Variants in ABL1 observed in about 807,000 individuals in gnomAD.
ABL1 encodes tyrosine-protein kinase ABL1.
A neutral mutation model predicts 94.7 loss-of-function variants in ABL1; 11 were observed. That is an observed-to-expected ratio of 0.12 (90% confidence interval 0.07 to 0.19). ABL1 has a LOEUF of 0.19. Ranked by LOEUF, ABL1 falls within the 10% of genes least tolerant of loss-of-function variation. ABL1 has a pLI of 1.00. For synonymous variants in ABL1, 656 were observed against 622.4 expected (o/e 1.05, Z -0.80); for missense variants, 1,082 against 1,489.4 (o/e 0.73, Z 4.50).
chr9:130,862,627 C>T lies in ABL1; in HGVS notation c.550-136C>T. 1.1e-6 allele frequency: 1 copy of T among 930,852 alleles called. No homozygotes were observed. Among genetic ancestry groups the T allele is most frequent in the Non-Finnish European group, 1.5e-6 (1 of 645,284 alleles). The allele number at this position is 930,852 out of a possible 1,614,324, so 57.7% of individuals were successfully genotyped here. On this transcript the variant is annotated intron_variant, in intron 3 of 10. Transcript: ENST00000318560. The surrounding 1 kb of genome is among the most constrained non-coding windows in gnomAD (Gnocchi z 5.5). ...AAGACAGCAGAAGTGATCTTCTAAA[C>T]ACTCTGTCCTGTGTGGAGAGCTCCT...
At chr9:130,850,796 C>T (rs183828215) in intron 1 of ABL1, among the ~76,000 whole-genome samples, 5 of 152,318 alleles carry the variant, frequency 3.3e-5, no homozygotes, top group East Asian at 1.9e-4. Context: ...CATGAGCCAC[C>T]GCACCCAGCC....
chr9:130,839,036 A>G (rs530328485), intron 1 of ABL1, among the ~76,000 whole-genome samples: 1 of 152,130 alleles, frequency 6.6e-6, no homozygotes, highest in Non-Finnish European at 1.5e-5. Flanking sequence ...CAGCCTCCCA[A>G]GTAGCTGGGG....
chr9:130,881,758 ACTG>A lies in ABL1; in HGVS notation c.1678+1096_1678+1098del, dbSNP rs986157373. ...GCAATGGTGGACTCCATTCTAATGG[ACTG>A]CAGACTGGGTACATGTGAAGGGACT... On this transcript the variant is annotated intron_variant, in intron 10 of 10. Transcript: ENST00000318560. 4.9e-4 allele frequency among the ~76,000 whole-genome samples: 75 copies of A among 152,218 alleles called. 1 individual carries two copies. The highest frequency in any genetic ancestry group is 1.3e-3 in the African/African-American group (55 of 41,508).
chr9:130,883,984 A>T lies in ABL1; in HGVS notation c.1694A>T (p.Glu565Val), dbSNP rs751135223. 6.2e-7 allele frequency: 1 copy of T among 1,612,404 alleles called. No homozygotes were observed. The highest frequency in any genetic ancestry group is 8.5e-7 in the Non-Finnish European group (1 of 1,179,558). Residue 565 changes from glutamate (E) to valine (V), a missense_variant, in exon 11 of 11, where the codon GAG (glutamate) becomes GTG (valine). Physicochemically the swap from Glu to Val is moderately radical, Grantham distance 121. Around this residue, in one of 7 missense-constraint regions of ABL1, gnomAD observed 780 missense variants for 835.8 expected, o/e 0.93. Transcript: ENST00000318560. The stretch of plus-strand genomic sequence containing the variant: ...TGCGTTTCAGATCCTCTGGACCATG[A>T]GCCTGCCGTGTCTCCATTGCTCCCT... ...GQGESDPLDH[E>V]PAVSPLLPRK...
At chr9:130,756,093 G>A (rs1246497916) in intron 1 of ABL1, among the ~76,000 whole-genome samples, 1 of 152,090 alleles carries the variant, frequency 6.6e-6, no homozygotes, top group Non-Finnish European at 1.5e-5. Flanking sequence ...GTGAGAAAAG[G>A]GGCAACCACT....
intron 3 of ABL1, among the ~76,000 whole-genome samples, chr9:130,861,038 CA>C (rs1831063292): frequency 1.3e-5 from 2 of 152,164 alleles, no homozygotes; most frequent in South Asian, 4.1e-4. Context: ...GAGCGTGACT[CA>C]TGGTGTGTGT....
chr9:130,753,586 C>G (rs147453776), intron 1 of ABL1, among the ~76,000 whole-genome samples: 4 of 151,118 alleles, frequency 2.6e-5, no homozygotes, highest in African/African-American at 9.7e-5. Context: ...CCACCACAAC[C>G]GGCCAATTTT....
chr9:130,878,706 C>A, intron 8 of ABL1, 139 bp downstream of exon 8: 1 of 1,032,160 alleles, frequency 9.7e-7, no homozygotes, highest in Non-Finnish European at 1.4e-6. Flanking sequence ...CTAATGTAGC[C>A]ATTTGCTACC....
At chr9:130,878,352 T>C in intron 7 of ABL1, 63 bp from the exon 8 acceptor site, 1 of 1,583,228 alleles carries the variant, frequency 6.3e-7, no homozygotes, top group Non-Finnish European at 8.6e-7. Context: ...TAACTGATTT[T>C]AAATGTAGTG....
chr9:130,750,644 C>CTTTTTTTTTTTT (rs71389345), intron 1 of ABL1, among the ~76,000 whole-genome samples: 15 of 87,284 alleles, frequency 1.7e-4, no homozygotes, highest in African/African-American at 3.4e-4. Flanking sequence ...CTTTTTCTTT[C>CTTTTTTTTTTTT]TTTTTTTTTT....
At chr9:130,743,759 A>G (rs1831849313) in intron 1 of ABL1, among the ~76,000 whole-genome samples, 1 of 152,174 alleles carries the variant, frequency 6.6e-6, no homozygotes, top group Non-Finnish European at 1.5e-5. Context: ...GAGCAGGCAC[A>G]AGCTTTGTGG....
At chr9:130,750,542 C>G (rs1588222513) in intron 1 of ABL1, among the ~76,000 whole-genome samples, 1 of 150,448 alleles carries the variant, frequency 6.6e-6, no homozygotes, top group Non-Finnish European at 1.5e-5. Context: ...ACCTCCCCAT[C>G]CTGGGTTCAA....
intron 1 of ABL1, among the ~76,000 whole-genome samples, chr9:130,730,345 G>A (rs972401764): frequency 1.3e-5 from 2 of 151,856 alleles, no homozygotes; most frequent in African/African-American, 4.8e-5. Flanking sequence ...CCTAGCCTCC[G>A]GCCAGACTTT....
intron 1 of ABL1, among the ~76,000 whole-genome samples, chr9:130,809,091 A>G (rs1481612873): frequency 1.3e-5 from 2 of 152,200 alleles, no homozygotes; most frequent in African/African-American, 4.8e-5. Flanking sequence ...TGGGGCAGCT[A>G]GAGTTCACAG....
chr9:130,846,845 C>T (rs1830780750), intron 1 of ABL1, among the ~76,000 whole-genome samples: 1 of 152,234 alleles, frequency 6.6e-6, no homozygotes, highest in Admixed American at 6.5e-5. Flanking sequence ...CATTTTTCAT[C>T]AGTGACTCAC....
At position 130,743,704 on chromosome 9, in the gene ABL1, T is replaced by C. The variant is rs142489734; in HGVS notation, c.136+29249T>C. Among the ~76,000 whole-genome samples the C allele has an allele frequency of 8.1e-3, 1,227 of 152,294 alleles. 15 individuals are homozygous for C. The highest frequency in any genetic ancestry group is 0.027 in the African/African-American group (1,142 of 41,552). On this transcript the variant is annotated intron_variant, in intron 1 of 10. Transcript: ENST00000372348. ...GTTTCCCAAGTGGGTTTCCTAGGGC[T>C]ATTATGTTACCGAAGCCAATAGTTC...
At chr9:130,813,377 T>C (rs1830237837) in intron 1 of ABL1, among the ~76,000 whole-genome samples, 2 of 151,530 alleles carry the variant, frequency 1.3e-5, no homozygotes, top group Admixed American at 1.3e-4. Context: ...CTGGCTAACA[T>C]GGTGAAACCC....
intron 1 of ABL1, among the ~76,000 whole-genome samples, chr9:130,752,945 C>T (rs564502094): frequency 2.1e-5 from 3 of 144,580 alleles, no homozygotes; most frequent in South Asian, 4.4e-4. Context: ...GGTTACAAAG[C>T]GAGACTTCGT....
rs1377549822 is a variant in ABL1 at position 130,872,378 on chromosome 9, T to A, written c.907+165T>A. ...TAAAATGAGGCCTGTATGGGATGGG[T>A]GTGTGCGTGTGTGCACATATGCACA... On this transcript the variant is annotated intron_variant, in intron 5 of 10. Transcript: ENST00000318560. This position sits in a 1 kb window ranked among gnomAD's most constrained non-coding sequence, Gnocchi z 5.0. 6.6e-6 allele frequency among the ~76,000 whole-genome samples: 1 copy of A among 152,178 alleles called. No homozygotes were observed. Among genetic ancestry groups the A allele is most frequent in the Non-Finnish European group, 1.5e-5 (1 of 68,030 alleles).
Sources: gnomAD v4.1 joint callset for allele counts (sites outside exome capture counted in the v4.1 genomes callset) on GRCh38, gnomAD v4.1.1 for gene constraint, gnomAD v4.1.1 regional missense constraint, Gnocchi (gnomAD v3.1) non-coding constraint, MANE v1.5 for transcripts, NCBI Gene and HGNC (gene_info 2026-07-23, HGNC 2026-07-21) for gene names.